PTPRG: variants seen among roughly 807,000 people sequenced by gnomAD.
The protein encoded by PTPRG is receptor-type tyrosine-protein phosphatase gamma.
Under a neutral mutation model 165.3 loss-of-function variants are expected in PTPRG, and 102 were observed. The observed-to-expected ratio is 0.62, with a 90% CI of 0.53 to 0.73. The LOEUF is 0.73. PTPRG is among the 30% of genes least tolerant of loss of function. The pLI, the probability that PTPRG is intolerant of heterozygous loss-of-function variation, is 0.00. For missense variants in PTPRG, 1,866 were observed against 1,861.4 expected (o/e 1.00, Z -0.05); for synonymous variants, 675 against 669.5 (o/e 1.01, Z -0.13).
At chr3:62,078,662 G>A (rs192801796) in intron 5 of PTPRG, among the ~76,000 whole-genome samples, 2 of 152,172 alleles carry the variant, frequency 1.3e-5, no homozygotes, top group East Asian at 3.9e-4. Context: ...CTTTTCTAAA[G>A]AGACCCCCTC....
At chr3:62,266,150 G>GTAAT (rs748645927) in intron 17 of PTPRG, among the ~76,000 whole-genome samples, 5 of 152,152 alleles carry the variant, frequency 3.3e-5, no homozygotes, top group Non-Finnish European at 5.9e-5. Context: ...CAAATTAGAT[G>GTAAT]TAATTTTATT....
At chr3:61,840,437 T>C (rs688235) in intron 2 of PTPRG, among the ~76,000 whole-genome samples, 25,636 of 152,092 alleles carry the variant, frequency 0.17, 2,598 homozygotes, top group East Asian at 0.34. Flanking sequence ...ATCTTATTGT[T>C]TTAGGGCAAA....
At chr3:62,136,360 A>T (rs1703709271) in intron 6 of PTPRG, among the ~76,000 whole-genome samples, 1 of 152,206 alleles carries the variant, frequency 6.6e-6, no homozygotes, top group Admixed American at 6.5e-5. Flanking sequence ...AAACCAAGTG[A>T]ACATTAAGAC....
intron 17 of PTPRG, among the ~76,000 whole-genome samples, chr3:62,264,985 C>T (rs1245792996): frequency 6.6e-6 from 1 of 150,550 alleles, no homozygotes; most frequent in Non-Finnish European, 1.5e-5. Context: ...AACAGCCTTC[C>T]TAACCGGTAT....
At chr3:62,146,057 A>C (rs1316224852) in intron 6 of PTPRG, among the ~76,000 whole-genome samples, 3 of 152,238 alleles carry the variant, frequency 2.0e-5, no homozygotes, top group Admixed American at 1.3e-4. Flanking sequence ...TGGCCACCAG[A>C]ACCCTGTAGG....
At chr3:62,004,593 T>C (rs937234337) in intron 4 of PTPRG, among the ~76,000 whole-genome samples, 1 of 152,206 alleles carries the variant, frequency 6.6e-6, no homozygotes, top group Non-Finnish European at 1.5e-5. Flanking sequence ...GAGACTGAGC[T>C]TCCATCTCTT....
chr3:61,596,676 G>C (rs1038160213), intron 1 of PTPRG, among the ~76,000 whole-genome samples: 2 of 152,044 alleles, frequency 1.3e-5, no homozygotes, highest in Non-Finnish European at 2.9e-5. Context: ...TTTGAACCCA[G>C]GTCTCCTCTT....
intron 27 of PTPRG, among the ~76,000 whole-genome samples, chr3:62,282,522 C>A (rs558245057): frequency 6.6e-6 from 1 of 150,982 alleles, no homozygotes; most frequent in South Asian, 2.1e-4. Context: ...AACCACTATG[C>A]CTAGCCATGC....
chr3:61,795,254 A>C (rs1053519836), intron 2 of PTPRG, among the ~76,000 whole-genome samples: 4 of 152,082 alleles, frequency 2.6e-5, no homozygotes, highest in Admixed American at 2.6e-4. Context: ...ACTGTATTGC[A>C]TTTCTTCATT....
intron 4 of PTPRG, among the ~76,000 whole-genome samples, chr3:62,055,381 G>A (rs979998689): frequency 2.0e-5 from 3 of 152,180 alleles, no homozygotes; most frequent in African/African-American, 7.2e-5. Flanking sequence ...TGAGAGAACA[G>A]CTACTGTTTG....
intron 1 of PTPRG, among the ~76,000 whole-genome samples, chr3:61,729,353 TTG>T (rs2032398538): frequency 6.6e-6 from 1 of 152,214 alleles, no homozygotes; most frequent in African/African-American, 2.4e-5. Flanking sequence ...TCTTTCCCCT[TTG>T]TAAAGGTTGG....
At chr3:62,054,840 G>A (rs1475907825) in intron 4 of PTPRG, among the ~76,000 whole-genome samples, 1 of 152,168 alleles carries the variant, frequency 6.6e-6, no homozygotes, top group Non-Finnish European at 1.5e-5. Context: ...TTACGTGAGA[G>A]GCATGTATTT....
At chr3:61,696,054 T>C (rs911591922) in intron 1 of PTPRG, among the ~76,000 whole-genome samples, 3 of 152,164 alleles carry the variant, frequency 2.0e-5, no homozygotes, top group African/African-American at 7.2e-5. Context: ...TAACTACATG[T>C]TCTTAAAATG....
intron 4 of PTPRG, among the ~76,000 whole-genome samples, chr3:62,008,159 G>C (rs2041340250): frequency 6.6e-6 from 1 of 152,096 alleles, no homozygotes; most frequent in Admixed American, 6.5e-5. Flanking sequence ...CTTAAATAAA[G>C]GTTCATATAA....
intron 1 of PTPRG, among the ~76,000 whole-genome samples, chr3:61,581,317 C>T (rs1314343230): frequency 6.6e-6 from 1 of 152,208 alleles, no homozygotes; most frequent in African/African-American, 2.4e-5. Flanking sequence ...GCTAATCAGA[C>T]TCAAGTGTAA....
At chr3:61,810,856 T>C (rs1011664664) in intron 2 of PTPRG, among the ~76,000 whole-genome samples, 3 of 152,186 alleles carry the variant, frequency 2.0e-5, no homozygotes, top group Admixed American at 2.0e-4. Flanking sequence ...TTGTGGGCTT[T>C]TACTTTAGCG....
intron 4 of PTPRG, among the ~76,000 whole-genome samples, chr3:62,018,385 G>T (rs1197636304): frequency 1.3e-5 from 2 of 152,168 alleles, no homozygotes; most frequent in Admixed American, 1.3e-4. Context: ...CCTCTCCATT[G>T]TGCTCAATCT....
intron 28 of PTPRG, among the ~76,000 whole-genome samples, 188 bp downstream of exon 28, chr3:62,283,057 C>T (rs971865473): frequency 6.6e-6 from 1 of 152,044 alleles, no homozygotes; most frequent in Non-Finnish European, 1.5e-5. Flanking sequence ...ATATGTCAAA[C>T]TCTTCCAAGA....
Position 61,891,788 on chromosome 3 carries a change from C to G in PTPRG, c.191-97837C>G, listed in dbSNP as rs569367619. Among the ~76,000 whole-genome samples the G allele has an allele frequency of 1.8e-3, 274 of 152,264 alleles. 1 individual carries two copies. The highest frequency in any genetic ancestry group is 6.4e-3 in the African/African-American group (267 of 41,548). On this transcript the variant is annotated intron_variant, in intron 2 of 29. Transcript: ENST00000474889. ...TTTGATCCTCTATCATGGGAAGGCT[C>G]AGTTTCTTACTGTAATGAAGATAGT...
Sources: gnomAD v4.1 joint callset for allele counts (sites outside exome capture counted in the v4.1 genomes callset) on GRCh38, gnomAD v4.1.1 for gene constraint, MANE v1.5 for transcripts, NCBI Gene and HGNC (gene_info 2026-07-23, HGNC 2026-07-21) for gene names.